MEOX1: variants seen among roughly 807,000 people sequenced by gnomAD.
MEOX1 encodes the protein mesenchyme homeobox 1, also known as homeobox protein MOX-1.
MEOX1 carries 17 observed loss-of-function variants against 23.2 expected under a neutral mutation model. The observed-to-expected ratio is 0.73, with a 90% confidence interval of 0.50 to 1.10. The LOEUF is 1.10. MEOX1 is among the 50% of genes least tolerant of loss of function. The pLI, the probability that MEOX1 is intolerant of heterozygous loss-of-function variation, is 0.00. For synonymous variants in MEOX1, 134 were observed against 135.1 expected (o/e 0.99, Z 0.06); for missense variants, 333 against 332.2 (o/e 1.00, Z -0.02).
At chr17:43,651,011 C>T (rs1389360006) in intron 1 of MEOX1, among the ~76,000 whole-genome samples, 1 of 152,118 alleles carries the variant, frequency 6.6e-6, no homozygotes, top group African/African-American at 2.4e-5. Flanking sequence ...GAGGCAGGTT[C>T]TTCTGGAATG....
At chr17:43,655,426 G>A (rs1425823465) in intron 1 of MEOX1, among the ~76,000 whole-genome samples, 1 of 150,936 alleles carries the variant, frequency 6.6e-6, no homozygotes, top group South Asian at 2.1e-4. Context: ...AGCCGAGATC[G>A]CGCCACTGCA....
chr17:43,647,418 T>G (rs1021368390), intron 1 of MEOX1, among the ~76,000 whole-genome samples: 1 of 152,192 alleles, frequency 6.6e-6, no homozygotes, highest in Non-Finnish European at 1.5e-5. Context: ...CCCAGGAAAT[T>G]GCCCAGTGTG....
At chr17:43,651,076 T>C (rs1294748934) in intron 1 of MEOX1, among the ~76,000 whole-genome samples, 2 of 152,146 alleles carry the variant, frequency 1.3e-5, no homozygotes, top group African/African-American at 4.8e-5. Context: ...CCCAGCACTT[T>C]GGGAGGCCGA....
At chr17:43,649,290 CTTTTTTTT>C (rs10694288) in intron 1 of MEOX1, among the ~76,000 whole-genome samples, 1 of 86,206 alleles carries the variant, frequency 1.2e-5, no homozygotes, top group Non-Finnish European at 2.1e-5. Context: ...GGCCTTTCAG[CTTTTTTTT>C]TTTTTTTTTT....
At chr17:43,652,199 G>A (rs1220989178) in intron 1 of MEOX1, among the ~76,000 whole-genome samples, 2 of 152,120 alleles carry the variant, frequency 1.3e-5, no homozygotes, top group Non-Finnish European at 2.9e-5. Context: ...CCTCACTAGG[G>A]GTTCTGGACA....
chr17:43,655,036 AGT>A (rs1171446119), intron 1 of MEOX1, among the ~76,000 whole-genome samples: 6 of 151,752 alleles, frequency 4.0e-5, no homozygotes, highest in Non-Finnish European at 7.4e-5. Context: ...TGGGTGACAG[AGT>A]GAGACTCCGT....
chr17:43,657,091 CTTTT>C (rs1973045765), intron 1 of MEOX1, among the ~76,000 whole-genome samples: 1 of 109,446 alleles, frequency 9.1e-6, no homozygotes, highest in African/African-American at 3.2e-5. Flanking sequence ...TTCTTTCTTT[CTTTT>C]TCTTTCTCTC....
intron 1 of MEOX1, among the ~76,000 whole-genome samples, chr17:43,644,298 A>G (rs1189969646): frequency 6.6e-6 from 1 of 152,210 alleles, no homozygotes; most frequent in Non-Finnish European, 1.5e-5. Flanking sequence ...CCTGCCCCAG[A>G]CCTACCTACG....
intron 1 of MEOX1, among the ~76,000 whole-genome samples, chr17:43,653,511 CTTT>C (rs558730946): frequency 0.18 from 24,540 of 137,588 alleles, 2,021 homozygotes; most frequent in Admixed American, 0.23. Context: ...ACTGCCTCCA[CTTT>C]TTTTTTTTTT....
At chr17:43,653,979 A>T (rs16940078) in intron 1 of MEOX1, among the ~76,000 whole-genome samples, 50,280 of 152,022 alleles carry the variant, frequency 0.33, 9,761 homozygotes, top group Middle Eastern at 0.48. Context: ...CTTTCACTAA[A>T]GGGGTTTTCA....
intron 1 of MEOX1, among the ~76,000 whole-genome samples, chr17:43,649,875 G>A (rs959280357): frequency 3.3e-5 from 5 of 152,202 alleles, no homozygotes; most frequent in East Asian, 1.9e-4. Flanking sequence ...AAATGCAAAC[G>A]GTGTGCATGT....
rs925409739 is a variant in MEOX1 at position 43,646,357 on chromosome 17, C to T, written c.470-2697G>A. ...TCGGTCACGAGCGGATGACGGGCTT[C>T]CCGGAGCACAGCCCGGCCCACGGGC... On this transcript the variant is annotated intron_variant, in intron 1 of 2. Transcript: ENST00000318579. 6.5e-4 allele frequency among the ~76,000 whole-genome samples: 99 copies of T among 152,318 alleles called. 1 individual carries two copies. In the Middle Eastern group the frequency reaches 0.01, roughly 16 times the overall value.
In MEOX1 at chr17:43,640,554, C is replaced by CT. The variant is rs1972673842; in HGVS notation, c.*1355dup. On this transcript the variant is annotated 3_prime_UTR_variant, in exon 3 of 3. Coordinates refer to ENST00000318579, the MANE Select transcript of MEOX1 (RefSeq NM_004527.4). ...GCAATCATTTTCCACAGCTCTTGCC[C>CT]TTTTTGGGGTGGGGAGGTGGGGTTA... 6.6e-6 allele frequency: 1 copy of CT among 152,102 alleles called. No homozygotes were observed. The highest frequency in any genetic ancestry group is 1.9e-4 in the East Asian group (1 of 5,190). 9.4% of individuals were successfully genotyped at this position (152,102 alleles called of 1,614,324 possible).
chr17:43,661,612 A>G lies in MEOX1; in HGVS notation c.-78T>C. 1 of 929,946 alleles carries G rather than the reference A, an allele frequency of 1.1e-6. No homozygotes were observed. Among genetic ancestry groups the G allele is most frequent in the Non-Finnish European group, 1.5e-6 (1 of 675,916 alleles). The allele number at this position is 929,946 out of a possible 1,614,324, so 57.6% of individuals were successfully genotyped here. On this transcript the variant is annotated 5_prime_UTR_variant, in exon 1 of 3. Coordinates refer to ENST00000318579, the MANE Select transcript of MEOX1 (RefSeq NM_004527.4). ...TTTATGTTCAAATTTTTAAAAATGC[A>G]AAAGAAAAAAAACTAAATAGGAGGG...
intron 1 of MEOX1, among the ~76,000 whole-genome samples, chr17:43,645,104 G>A (rs1972777690): frequency 6.6e-6 from 1 of 151,864 alleles, no homozygotes; most frequent in Non-Finnish European, 1.5e-5. Context: ...TGCATGCCAC[G>A]TGGCCAGGGA....
intron 2 of MEOX1, 55 bp from the exon 3 acceptor site, chr17:43,642,087 C>T (rs1972708057): frequency 6.4e-7 from 1 of 1,565,136 alleles, no homozygotes; most frequent in Non-Finnish European, 8.7e-7. Context: ...GACCTCCTCC[C>T]CATGTCAATG....
intron 1 of MEOX1, among the ~76,000 whole-genome samples, chr17:43,648,837 C>A (rs28430796): frequency 0.11 from 17,347 of 152,188 alleles, 2,370 homozygotes; most frequent in African/African-American, 0.33. Context: ...AGCCTTCCCA[C>A]AGCTCAATGA....
At chr17:43,657,208 A>T (rs1598267689) in intron 1 of MEOX1, among the ~76,000 whole-genome samples, 2 of 116,818 alleles carry the variant, frequency 1.7e-5, no homozygotes. Flanking sequence ...CCGCTCTGTC[A>T]CCCAGGCTGA....
intron 1 of MEOX1, among the ~76,000 whole-genome samples, chr17:43,657,022 C>CTTTCTTTCT (rs1314279620): frequency 5.6e-5 from 7 of 124,718 alleles, no homozygotes; most frequent in African/African-American, 8.7e-5. Context: ...CTCTTTCTTT[C>CTTTCTTTCT]TTTCTTTCTT....
Sources: gnomAD v4.1 joint callset for allele counts (sites outside exome capture counted in the v4.1 genomes callset) on GRCh38, gnomAD v4.1.1 for gene constraint, MANE v1.5 for transcripts, NCBI Gene and HGNC (gene_info 2026-07-23, HGNC 2026-07-21) for gene names.